The following AFP variants were observed in gnomAD, a reference collection of about 807,000 sequenced individuals.
The protein encoded by AFP is alpha-fetoprotein.
Under a neutral mutation model 78.9 loss-of-function variants are expected in AFP, and 64 were observed. The observed-to-expected ratio is 0.81, with a 90% CI of 0.66 to 1.00. AFP has a LOEUF of 1.00. Ranked by LOEUF, AFP falls within the 50% of genes least tolerant of loss-of-function variation. The pLI is 0.00. For synonymous variants in AFP, 254 were observed against 243.8 expected, an observed-to-expected ratio of 1.04 and a Z score of -0.39; for missense variants, 689 against 703.8, an observed-to-expected ratio of 0.98 and a Z score of 0.24.
At chr4:73,453,559 G>C in intron 12 of AFP, 3 of 592,120 alleles carry the variant, frequency 5.1e-6, no homozygotes, top group Non-Finnish European at 8.9e-6. Flanking sequence ...TCCACAACCT[G>C]CACAACTCCA....
In AFP at chr4:73,450,475, G is replaced by A. The variant is rs1719960401; in HGVS notation, c.1290-140G>A. 1.0e-5 allele frequency: 13 copies of A among 1,247,600 alleles called. No homozygotes were observed. The South Asian group carries it at 1.7e-4, about 16-fold the overall frequency. 77.3% of individuals were successfully genotyped at this position (1,247,600 alleles called of 1,614,324 possible). On this transcript the variant is annotated intron_variant, in intron 10 of 14. Coordinates refer to ENST00000395792, the MANE Select transcript of AFP (RefSeq NM_001134.3). Reference sequence around the variant, plus strand: ...TAGAGTAAATGCATCTCAAAAGTTGGTTCAAATACCATGTAGATGAAACAA... The same window carrying A: ...TAGAGTAAATGCATCTCAAAAGTTGATTCAAATACCATGTAGATGAAACAA...
At position 73,455,256 on chromosome 4, in the gene AFP, A is replaced by T. The variant is rs1172158512; in HGVS notation, c.1806A>T (p.Lys602Asn). The T allele has an allele frequency of 1.9e-6, 3 of 1,612,542 alleles. No homozygotes were observed. In the Admixed American group the frequency reaches 5.0e-5, roughly 27 times the overall value. ...TTCAGGGACAAAAACTGATTTCAAA[A>T]ACTCGTGCTGCTTTGGGAGTTTAAA... ...FAEEGQKLIS[K>N]TRAALGV The change falls in exon 14 of 15, where the codon AAA becomes AAT. Residue 602 changes from lysine to asparagine, a missense_variant. By Grantham distance (94) the Lys-to-Asn change is moderately conservative. Coordinates refer to ENST00000395792, the MANE Select transcript of AFP (RefSeq NM_001134.3).
intron 11 of AFP, among the ~76,000 whole-genome samples, chr4:73,452,140 C>T (rs902938915): frequency 1.3e-5 from 2 of 152,130 alleles, no homozygotes; most frequent in Non-Finnish European, 2.9e-5. Context: ...TTTCAAATAG[C>T]TGACACAAAT....
chr4:73,449,006 A>G lies in AFP; in HGVS notation c.1059-329A>G, dbSNP rs142691916. 1.9e-3 allele frequency among the ~76,000 whole-genome samples: 289 copies of G among 152,178 alleles called. 7 individuals carry two copies. In the East Asian group the frequency reaches 0.043, roughly 23 times the overall value. ...AGGGCAGGTATTTATCTTAGACATC[A>G]TTGAGTCCGTTCTGCTTAAAGCAAT... On this transcript the variant is annotated intron_variant, in intron 8 of 14. Transcript: ENST00000395792.
At chr4:73,450,795 G>C (rs751697585) in intron 11 of AFP, 42 bp downstream of exon 11, 2 of 1,612,738 alleles carry the variant, frequency 1.2e-6, no homozygotes, top group African/African-American at 2.7e-5. Flanking sequence ...TTTCTGCCCT[G>C]TTTGACTTGA....
chr4:73,452,281 G>T (rs1720017171), intron 11 of AFP, 120 bp from the exon 12 acceptor site: 1 of 808,916 alleles, frequency 1.2e-6, no homozygotes, highest in Non-Finnish European at 2.1e-6. Context: ...AAATTTTCCT[G>T]TAATATTAAT....
At chr4:73,440,157 G>A (rs946790571) in intron 3 of AFP, among the ~76,000 whole-genome samples, 1 of 151,988 alleles carries the variant, frequency 6.6e-6, no homozygotes, top group African/African-American at 2.4e-5. Flanking sequence ...CCAACCTGTT[G>A]CCTGGGTATT....
intron 4 of AFP, 103 bp downstream of exon 4, chr4:73,440,916 A>G (rs1313887146): frequency 1.8e-6 from 2 of 1,097,414 alleles, no homozygotes; most frequent in Admixed American, 5.0e-5. Context: ...AGTAAGAGGT[A>G]TAATGTTTCT....
At position 73,445,102 on chromosome 4, in the gene AFP, C is replaced by T; in HGVS notation, c.823C>T (p.Leu275=). The T allele has an allele frequency of 1.2e-6, 2 of 1,613,826 alleles. No individual in the cohort carries two copies. The highest frequency in any genetic ancestry group is 1.7e-6 in the Non-Finnish European group (2 of 1,179,864). ...TGAGCACTGTTGCAGAGGAGATGTG[C>T]TGGATTGTCTGCAGGATGGGGTGAA... ...VHEHCCRGDV[L]DCLQDGEKIM... Residue 275 remains leucine, a synonymous_variant, in exon 7 of 15, where the codon CTG becomes TTG. Coordinates refer to ENST00000395792, the MANE Select transcript of AFP (RefSeq NM_001134.3).
At chr4:73,436,421 G>T in intron 1 of AFP, 74 bp downstream of exon 1, 1 of 872,378 alleles carries the variant, frequency 1.1e-6, no homozygotes, top group Non-Finnish European at 1.8e-6. Context: ...GCATTAATTT[G>T]TCTTGATTTA....
At position 73,450,669 on chromosome 4, in the gene AFP, G is replaced by C. The variant is rs745483479; in HGVS notation, c.1344G>C (p.Met448Ile). ...KAPQLTSSEL[M>I]AITRKMAATA... Reference sequence around the variant, plus strand: ...CCCAGCTGACCTCGTCGGAGCTGATGGCCATCACCAGAAAAATGGCAGCCA... The same window carrying C: ...CCCAGCTGACCTCGTCGGAGCTGATCGCCATCACCAGAAAAATGGCAGCCA... Residue 448 changes from methionine to isoleucine, a missense_variant, in exon 11 of 15, where the codon ATG becomes ATC. By Grantham distance (10) the Met-to-Ile change is conservative. Coordinates refer to ENST00000395792, the MANE Select transcript of AFP (RefSeq NM_001134.3). 6.2e-7 allele frequency: 1 copy of C among 1,614,174 alleles called. No individual in the cohort carries two copies.
rs35201987 is a variant in AFP, at chr4:73,441,567, C to CAAAAA, written c.483-714_483-710dup. Reference sequence around the variant, plus strand: ...GGGGCCACAGAGCGAGACTCCGTCTCAAAAAAAAAAAAAAAAAAAGGATGT... The same window carrying CAAAAA: ...GGGGCCACAGAGCGAGACTCCGTCTCAAAAAAAAAAAAAAAAAAAAAAAAGGATGT... On this transcript the variant is annotated intron_variant, in intron 4 of 14. Coordinates refer to ENST00000395792, the MANE Select transcript of AFP (RefSeq NM_001134.3). 1.1e-3 allele frequency among the ~76,000 whole-genome samples: 105 copies of CAAAAA among 95,858 alleles called. 1 individual carries two copies. The highest frequency in any genetic ancestry group is 4.8e-3 in the Admixed American group (37 of 7,696). The allele number at this position is 95,858 out of a possible 152,430, so 62.9% of individuals were successfully genotyped here.
chr4:73,438,074 A>G, intron 2 of AFP, 100 bp from the exon 3 acceptor site: 5 of 1,524,670 alleles, frequency 3.3e-6, no homozygotes, highest in Non-Finnish European at 4.5e-6. Context: ...AGATTACAAC[A>G]TAAATAGAAA....
At chr4:73,442,147 T>C in intron 4 of AFP, 149 bp from the exon 5 acceptor site, 1 of 833,400 alleles carries the variant, frequency 1.2e-6, no homozygotes, top group Non-Finnish European at 1.9e-6. Context: ...ATGATGATTT[T>C]CCCCTTAGGA....
At chr4:73,438,091 C>T in intron 2 of AFP, 83 bp from the exon 3 acceptor site, 1 of 1,566,552 alleles carries the variant, frequency 6.4e-7, no homozygotes, top group South Asian at 1.2e-5. Flanking sequence ...GAAAACAAAA[C>T]AAACAAATGA....
chr4:73,452,502 A>G lies in AFP; in HGVS notation c.1530A>G (p.Pro510=). Residue 510 remains proline, a synonymous_variant, in exon 12 of 15, where the codon CCA becomes CCG. Transcript: ENST00000395792. The part of the protein sequence containing the change: ...CCTSSYANRR[P]CFSSLVVDET... ...CTTCTTCATATGCCAACAGGAGGCC[A>G]TGCTTCAGCAGCTTGGTGGTGGATG... is the stretch of plus-strand genomic sequence containing the variant. 6.2e-7 allele frequency: 1 copy of G among 1,614,118 alleles called. No homozygotes were observed. Among genetic ancestry groups the G allele is most frequent in the African/African-American group, 1.3e-5 (1 of 75,032 alleles).
At chr4:73,439,517 C>A (rs769813900) in intron 3 of AFP, among the ~76,000 whole-genome samples, 1 of 152,144 alleles carries the variant, frequency 6.6e-6, no homozygotes, top group Non-Finnish European at 1.5e-5. Context: ...TGTTACAGAT[C>A]GCTGATTTAT....
chr4:73,455,633 G>A lies in AFP; in HGVS notation c.*13G>A. On this transcript the variant is annotated splice_region_variant and 3_prime_UTR_variant, in exon 15 of 15. Transcript: ENST00000395792. ...ATATATTTTTGCTCATATTGCAGGG[G>A]AAGAGAAGACAAAACGAGTCTTTCA... 1 of 694,866 alleles carries A rather than the reference G, an allele frequency of 1.4e-6. No individual in the cohort carries two copies. Among genetic ancestry groups the A allele is most frequent in the South Asian group, 1.5e-5 (1 of 64,688 alleles). The allele number at this position is 694,866 out of a possible 1,614,324, so 43.0% of individuals were successfully genotyped here. A position where few individuals can be genotyped will look rare whatever the true frequency, so the allele number is the denominator to read the frequency against.
intron 8 of AFP, 79 bp from the exon 9 acceptor site, chr4:73,449,256 T>C (rs547434390): frequency 1.6e-4 from 208 of 1,297,004 alleles, no homozygotes; most frequent in Non-Finnish European, 2.1e-4. Flanking sequence ...CCATATTATA[T>C]AGGAATAACT....
Sources: gnomAD v4.1 joint callset for allele counts (sites outside exome capture counted in the v4.1 genomes callset) on GRCh38, gnomAD v4.1.1 for gene constraint, MANE v1.5 for transcripts, NCBI Gene and HGNC (gene_info 2026-07-23, HGNC 2026-07-21) for gene names.